Variants in MACROD2 observed in about 807,000 individuals in gnomAD.
MACROD2 encodes the protein mono-ADP ribosylhydrolase 2, also known as ADP-ribose glycohydrolase MACROD2.
A neutral mutation model predicts 70.4 loss-of-function variants in MACROD2; 36 were observed. The observed-to-expected ratio is 0.51, with a 90% CI of 0.39 to 0.68. MACROD2 has a LOEUF of 0.68. Ranked by LOEUF, MACROD2 falls within the 30% of genes least tolerant of loss-of-function variation. The pLI is 0.00. For synonymous variants in MACROD2, 172 were observed against 178.8 expected (o/e 0.96, Z 0.30); for missense variants, 496 against 538.4 (o/e 0.92, Z 0.78).
At chr20:16,005,868 T>G (rs992432155) in intron 15 of MACROD2, among the ~76,000 whole-genome samples, 1 of 152,210 alleles carries the variant, frequency 6.6e-6, no homozygotes, top group East Asian at 1.9e-4. Context: ...CTAGCTGCCC[T>G]CTTCCTTTTC....
intron 8 of MACROD2, among the ~76,000 whole-genome samples, chr20:15,587,448 C>T (rs915457252): frequency 6.6e-6 from 1 of 152,152 alleles, no homozygotes; most frequent in African/African-American, 2.4e-5. Context: ...ACCAATCATG[C>T]CTTCAAAACC....
At chr20:14,289,686 C>T (rs566842901) in intron 3 of MACROD2, among the ~76,000 whole-genome samples, 28 of 152,156 alleles carry the variant, frequency 1.8e-4, no homozygotes, top group African/African-American at 1.7e-4. Flanking sequence ...GGACTATAGG[C>T]GCATGCCACT....
At chr20:14,776,732 T>C (rs946639094) in intron 5 of MACROD2, among the ~76,000 whole-genome samples, 1 of 152,112 alleles carries the variant, frequency 6.6e-6, no homozygotes, top group Non-Finnish European at 1.5e-5. Flanking sequence ...CATATTGGAA[T>C]GTGCAAGTAT....
At chr20:15,730,640 A>G (rs1054786604) in intron 8 of MACROD2, among the ~76,000 whole-genome samples, 2 of 151,844 alleles carry the variant, frequency 1.3e-5, no homozygotes, top group Non-Finnish European at 2.9e-5. Flanking sequence ...TTCCAACCTC[A>G]GAGAATCTAA....
At chr20:14,873,932 G>T (rs1329418559) in intron 5 of MACROD2, among the ~76,000 whole-genome samples, 2 of 152,054 alleles carry the variant, frequency 1.3e-5, no homozygotes, top group Non-Finnish European at 2.9e-5. Flanking sequence ...AACATTGATT[G>T]ATGTTGGTAC....
chr20:14,192,914 C>G (rs560407707), intron 3 of MACROD2, among the ~76,000 whole-genome samples: 11 of 152,216 alleles, frequency 7.2e-5, no homozygotes, highest in Admixed American at 3.3e-4. Context: ...TCTGACTGAA[C>G]AATTCATAGG....
intron 3 of MACROD2, among the ~76,000 whole-genome samples, chr20:14,423,579 A>G (rs1196803304): frequency 6.6e-6 from 1 of 150,754 alleles, no homozygotes; most frequent in African/African-American, 2.4e-5. Flanking sequence ...GGGCCCCTGT[A>G]GTCCCAGCTA....
intron 4 of MACROD2, among the ~76,000 whole-genome samples, chr20:14,616,495 T>G (rs906252157): frequency 2.6e-5 from 4 of 152,122 alleles, no homozygotes; most frequent in African/African-American, 9.7e-5. Context: ...TTTGAGCAAG[T>G]GGGCTTCTGA....
At chr20:15,717,174 G>A (rs1356423744) in intron 8 of MACROD2, among the ~76,000 whole-genome samples, 2 of 152,134 alleles carry the variant, frequency 1.3e-5, no homozygotes, top group Non-Finnish European at 2.9e-5. Context: ...GGAGGCTAGG[G>A]CTAATAACTG....
chr20:15,686,701 C>T (rs1248970743), intron 8 of MACROD2, among the ~76,000 whole-genome samples: 6 of 151,838 alleles, frequency 4.0e-5, no homozygotes, highest in African/African-American at 1.2e-4. Context: ...GGTAAAACCC[C>T]GTCTCTACTA....
At chr20:14,695,801 A>G (rs1350638023) in intron 5 of MACROD2, among the ~76,000 whole-genome samples, 8 of 152,220 alleles carry the variant, frequency 5.3e-5, no homozygotes, top group African/African-American at 1.7e-4. Flanking sequence ...CTCCAACATC[A>G]TGAAAGACCC....
chr20:15,205,915 A>AAT (rs2076697422), intron 5 of MACROD2, among the ~76,000 whole-genome samples: 1 of 152,252 alleles, frequency 6.6e-6, no homozygotes, highest in Admixed American at 6.5e-5. Context: ...ATCTCTGGGT[A>AAT]ATACAGCCTG....
intron 3 of MACROD2, among the ~76,000 whole-genome samples, chr20:14,107,415 C>T (rs1248011836): frequency 6.6e-6 from 1 of 151,924 alleles, no homozygotes; most frequent in African/African-American, 2.4e-5. Context: ...AAAATAGCCT[C>T]AAAAGGGCAA....
intron 6 of MACROD2, among the ~76,000 whole-genome samples, chr20:15,323,164 T>G (rs1436994477): frequency 1.3e-5 from 2 of 152,188 alleles, no homozygotes; most frequent in African/African-American, 4.8e-5. Context: ...ATTGGCAGAT[T>G]GCCCCCTTTA....
At chr20:15,479,496 ATC>A (rs1275668774) in intron 7 of MACROD2, among the ~76,000 whole-genome samples, 1 of 151,502 alleles carries the variant, frequency 6.6e-6, no homozygotes, top group Non-Finnish European at 1.5e-5. Flanking sequence ...GATGGTCTCG[ATC>A]TCCTGACCTC....
chr20:15,780,810 T>C (rs2051818359), intron 8 of MACROD2, among the ~76,000 whole-genome samples: 1 of 152,084 alleles, frequency 6.6e-6, no homozygotes, highest in African/African-American at 2.4e-5. Flanking sequence ...GAGAGTTGTA[T>C]GAATTCAGTG....
chr20:15,667,289 G>A (rs755756693), intron 8 of MACROD2, among the ~76,000 whole-genome samples: 1 of 152,062 alleles, frequency 6.6e-6, no homozygotes, highest in Non-Finnish European at 1.5e-5. Context: ...GCACGCTCCC[G>A]CTTCACCTTC....
chr20:14,823,826 T>C (rs2072874050), intron 5 of MACROD2, among the ~76,000 whole-genome samples: 1 of 152,068 alleles, frequency 6.6e-6, no homozygotes, highest in Non-Finnish European at 1.5e-5. Context: ...GAAGAGGAAA[T>C]AGACTTTGGG....
intron 5 of MACROD2, among the ~76,000 whole-genome samples, chr20:15,086,833 G>A (rs543787521): frequency 6.9e-4 from 105 of 151,938 alleles, no homozygotes; most frequent in Non-Finnish European, 1.1e-3. Context: ...AAGATCCCCC[G>A]CTTACTTTAC....
Sources: gnomAD v4.1 joint callset for allele counts (sites outside exome capture counted in the v4.1 genomes callset) on GRCh38, gnomAD v4.1.1 for gene constraint, MANE v1.5 for transcripts, NCBI Gene and HGNC (gene_info 2026-07-23, HGNC 2026-07-21) for gene names.